GPM6A: variants seen among roughly 807,000 people sequenced by gnomAD.
The protein encoded by GPM6A is glycoprotein M6A.
Under a neutral mutation model 32.1 loss-of-function variants are expected in GPM6A, and 7 were observed. That is an observed-to-expected ratio of 0.22 (90% confidence interval 0.12 to 0.41). The LOEUF (loss-of-function observed/expected upper bound fraction) is 0.41. GPM6A is among the 10% of genes least tolerant of loss of function. The pLI is 1.00. For synonymous variants in GPM6A, 130 were observed against 123.4 expected (o/e 1.05, Z -0.35); for missense variants, 235 against 347.2 (o/e 0.68, Z 2.57).
chr4:175,835,631 A>G (rs1264715213), intron 1 of GPM6A, among the ~76,000 whole-genome samples: 6 of 105,090 alleles, frequency 5.7e-5, no homozygotes, highest in Non-Finnish European at 8.7e-5. Context: ...GTGTGTGTAT[A>G]TATATATATA....
At chr4:175,665,210 T>TATC (rs1412954777) in intron 3 of GPM6A, among the ~76,000 whole-genome samples, 4 of 152,174 alleles carry the variant, frequency 2.6e-5, no homozygotes, top group African/African-American at 9.7e-5. Context: ...TATCACAGAC[T>TATC]TTAATCCCTT....
intron 1 of GPM6A, among the ~76,000 whole-genome samples, chr4:175,826,228 G>A (rs554198499): frequency 3.3e-5 from 5 of 151,496 alleles, no homozygotes; most frequent in African/African-American, 7.3e-5. Flanking sequence ...CCACTGATCC[G>A]TACCATAAGG....
chr4:175,666,069 C>T (rs1188567655), intron 3 of GPM6A, among the ~76,000 whole-genome samples: 3 of 151,698 alleles, frequency 2.0e-5, no homozygotes, highest in Admixed American at 1.3e-4. Context: ...CAGGTGCCCA[C>T]CACCACGCCT....
intron 1 of GPM6A, among the ~76,000 whole-genome samples, chr4:175,835,770 AT>A (rs1735750285): frequency 6.8e-6 from 1 of 147,310 alleles, no homozygotes; most frequent in Non-Finnish European, 1.5e-5. Flanking sequence ...ATTTACTAAC[AT>A]TATATAATAA....
chr4:175,775,277 G>A (rs1733348992), intron 1 of GPM6A, among the ~76,000 whole-genome samples: 1 of 151,954 alleles, frequency 6.6e-6, no homozygotes, highest in Admixed American at 6.6e-5. Context: ...GACTCAGTCC[G>A]GTATAAAACA....
intron 1 of GPM6A, among the ~76,000 whole-genome samples, chr4:175,948,138 C>T (rs1255003849): frequency 1.3e-5 from 2 of 152,132 alleles, no homozygotes; most frequent in Admixed American, 6.5e-5. Flanking sequence ...ACAGAGAGGA[C>T]ATGTTTTTGT....
intron 1 of GPM6A, among the ~76,000 whole-genome samples, chr4:175,709,649 A>T (rs1442197789): frequency 6.9e-6 from 1 of 144,260 alleles, no homozygotes; most frequent in East Asian, 2.1e-4. Flanking sequence ...AATCGCTTGA[A>T]CCCGGGAGGT....
intron 1 of GPM6A, among the ~76,000 whole-genome samples, chr4:175,895,872 C>T (rs10520317): frequency 0.034 from 5,233 of 152,104 alleles, 269 homozygotes; most frequent in African/African-American, 0.12. Context: ...CATAATCATA[C>T]CTTGGCATAA....
chr4:175,693,724 G>T (rs2333258), intron 2 of GPM6A, among the ~76,000 whole-genome samples: 150,505 of 152,308 alleles, frequency 0.99, 74,387 homozygotes, highest in Middle Eastern at 1. Flanking sequence ...AAATATTATT[G>T]GAATGAAACT....
At chr4:175,822,119 A>G (rs553202939) in intron 1 of GPM6A, among the ~76,000 whole-genome samples, 1 of 152,294 alleles carries the variant, frequency 6.6e-6, no homozygotes, top group Admixed American at 6.5e-5. Flanking sequence ...GTATTGAATC[A>G]GAAAAAATGT....
Position 175,799,671 on chromosome 4 carries a change from C to CTTTTTTTTTTTTTTTT in GPM6A, c.37+12519_37+12520insAAAAAAAAAAAAAAAA, listed in dbSNP as rs374571140. Reference sequence around the variant, plus strand: ...TCACCCTAAAAGTAGCAAGTGTTTTCTTTTTTTTTTTTTTGAGACGGAGTC... The same window carrying CTTTTTTTTTTTTTTTT: ...TCACCCTAAAAGTAGCAAGTGTTTTCTTTTTTTTTTTTTTTTTTTTTTTTTTTTTTGAGACGGAGTC... On this transcript the variant is annotated intron_variant, in intron 1 of 6. Transcript: ENST00000393658. Among the ~76,000 whole-genome samples, 13 of 122,088 alleles carry CTTTTTTTTTTTTTTTT rather than the reference C, an allele frequency of 1.1e-4. 2 individuals carry two copies. Among genetic ancestry groups the CTTTTTTTTTTTTTTTT allele is most frequent in the South Asian group, 2.8e-4 (1 of 3,630 alleles). The allele number at this position is 122,088 out of a possible 152,430, so 80.1% of individuals were successfully genotyped here.
intron 1 of GPM6A, among the ~76,000 whole-genome samples, chr4:175,752,396 C>T (rs1479682903): frequency 6.6e-6 from 1 of 152,074 alleles, no homozygotes; most frequent in Non-Finnish European, 1.5e-5. Context: ...AAGGCCGAGC[C>T]TTTTTCCGTG....
chr4:175,649,802 T>C (rs1400445085), intron 4 of GPM6A, among the ~76,000 whole-genome samples: 1 of 152,230 alleles, frequency 6.6e-6, no homozygotes, highest in Non-Finnish European at 1.5e-5. Context: ...AGTATAACTA[T>C]ATCCCATACA....
At chr4:175,933,709 A>G (rs1321709781) in intron 1 of GPM6A, among the ~76,000 whole-genome samples, 1 of 151,674 alleles carries the variant, frequency 6.6e-6, no homozygotes, top group African/African-American at 2.4e-5. Flanking sequence ...TGCCCGGCTA[A>G]TTTTTTTTGT....
intron 2 of GPM6A, among the ~76,000 whole-genome samples, chr4:175,694,366 T>C (rs1363662923): frequency 6.6e-6 from 1 of 152,196 alleles, no homozygotes; most frequent in African/African-American, 2.4e-5. Flanking sequence ...TGTTAAATTG[T>C]TGTGACCAAA....
At chr4:175,893,057 C>T (rs945388712) in intron 1 of GPM6A, among the ~76,000 whole-genome samples, 13 of 152,134 alleles carry the variant, frequency 8.5e-5, no homozygotes, top group African/African-American at 3.1e-4. Context: ...CTTAATTGTC[C>T]TTGGTGTAAG....
chr4:175,940,647 C>T (rs931405415), intron 1 of GPM6A, among the ~76,000 whole-genome samples: 7 of 152,058 alleles, frequency 4.6e-5, no homozygotes, highest in African/African-American at 1.7e-4. Context: ...CACTCTGTCG[C>T]CCAGGCTGGA....
In GPM6A at chr4:175,680,125, A is replaced by G. The variant is rs1439532370; in HGVS notation, c.231-6289T>C. Among the ~76,000 whole-genome samples, 6 of 152,198 alleles carry G rather than the reference A, an allele frequency of 3.9e-5. 1 individual carries two copies. On this transcript the variant is annotated intron_variant, in intron 2 of 6. Transcript: ENST00000393658. ...TATATGCAACTATATAAACATATCT[A>G]TATATGTGTACATGTATGTGTGTTC... is the stretch of plus-strand genomic sequence containing the variant.
chr4:175,719,557 A>G (rs1292617098), intron 1 of GPM6A, among the ~76,000 whole-genome samples: 26 of 152,192 alleles, frequency 1.7e-4, no homozygotes, highest in Admixed American at 1.7e-3. Context: ...GCCGTTTTGT[A>G]TCATAAACAT....
Sources: allele counts gnomAD v4.1 joint callset (sites outside exome capture counted in the v4.1 genomes callset), GRCh38; gene constraint gnomAD v4.1.1; transcripts MANE v1.5; gene names NCBI Gene and HGNC (gene_info 2026-07-23, HGNC 2026-07-21).